The following MAP3K21 variants were observed in gnomAD, a reference collection of about 807,000 sequenced individuals.
MAP3K21 encodes the protein mitogen-activated protein kinase kinase kinase 21, also known as mitogen-activated protein kinase kinase kinase MLK4.
A neutral mutation model predicts 86.1 loss-of-function variants in MAP3K21; 63 were observed. That is an observed-to-expected ratio of 0.73 (90% CI 0.60 to 0.90). The LOEUF (loss-of-function observed/expected upper bound fraction) is 0.90. Ranked by LOEUF, MAP3K21 falls within the 40% of genes least tolerant of loss-of-function variation. The pLI, the probability that MAP3K21 is intolerant of heterozygous loss-of-function variation, is 0.00. For missense variants in MAP3K21, 1,220 were observed against 1,367.7 expected (o/e 0.89, Z 1.70); for synonymous variants, 558 against 564.8 (o/e 0.99, Z 0.17).
chr1:233,375,301 G>C (rs1467206554), intron 6 of MAP3K21, among the ~76,000 whole-genome samples: 1 of 152,122 alleles, frequency 6.6e-6, no homozygotes, highest in Non-Finnish European at 1.5e-5. Context: ...TTAGCAAAAT[G>C]TGGATATTAA....
At chr1:233,339,243 CTT>C (rs1662972959) in intron 1 of MAP3K21, among the ~76,000 whole-genome samples, 4 of 88,562 alleles carry the variant, frequency 4.5e-5, no homozygotes, top group Non-Finnish European at 9.1e-5. Context: ...TCTTCTTCTT[CTT>C]CTTCTTCTTC....
At chr1:233,340,940 T>C (rs1663028356) in intron 1 of MAP3K21, among the ~76,000 whole-genome samples, 1 of 152,214 alleles carries the variant, frequency 6.6e-6, no homozygotes, top group African/African-American at 2.4e-5. Context: ...TACATAATAA[T>C]TGCTTTTTTA....
intron 5 of MAP3K21, 112 bp from the exon 6 acceptor site, chr1:233,371,926 C>T (rs1663692133): frequency 1.2e-5 from 12 of 1,023,688 alleles, no homozygotes; most frequent in African/African-American, 1.6e-5. Context: ...CTGCAATATT[C>T]TTTGCAGTTA....
In MAP3K21 at chr1:233,383,586, A is replaced by T. The variant is rs2102771375; in HGVS notation, c.*875A>T. The T allele has an allele frequency of 6.6e-6, 1 of 152,026 alleles. No individual in the cohort carries two copies. Among genetic ancestry groups the T allele is most frequent in the South Asian group, 2.1e-4 (1 of 4,808 alleles). 9.4% of individuals were successfully genotyped at this position (152,026 alleles called of 1,614,324 possible). On this transcript the variant is annotated 3_prime_UTR_variant, in exon 10 of 10. Transcript: ENST00000366624. ...ATATTCAGAAGTGGAAAGCTTTTTC[A>T]TTCTCCAGTAGAACTTTTAAAAATT...
Position 233,357,714 on chromosome 1 carries a change from A to T in MAP3K21, c.1311+2703A>T, listed in dbSNP as rs551976760. Reference sequence around the variant, plus strand: ...GAGTCCAAGAACAGGAAGAACACACAGCACACAAGGGGGTGGGGACTGCTG... The same window carrying T: ...GAGTCCAAGAACAGGAAGAACACACTGCACACAAGGGGGTGGGGACTGCTG... On this transcript the variant is annotated intron_variant, in intron 4 of 9. Transcript: ENST00000366624. 1.1e-4 allele frequency among the ~76,000 whole-genome samples: 16 copies of T among 152,294 alleles called. No homozygotes were observed. The East Asian group carries it at 2.9e-3, about 28-fold the overall frequency.
At chr1:233,371,730 G>A (rs1014406612) in intron 5 of MAP3K21, among the ~76,000 whole-genome samples, 7 of 147,240 alleles carry the variant, frequency 4.8e-5, no homozygotes, top group East Asian at 2.0e-4. Flanking sequence ...TCAATGATTC[G>A]TGGCTTTCAT....
intron 5 of MAP3K21, among the ~76,000 whole-genome samples, chr1:233,367,357 A>C (rs1239416391): frequency 6.6e-6 from 1 of 152,232 alleles, no homozygotes; most frequent in Non-Finnish European, 1.5e-5. Context: ...TCATATTGCC[A>C]GCAAAAATAC....
In MAP3K21 at chr1:233,339,376, T is replaced by TCC. The variant is rs1390717940; in HGVS notation, c.806-7066_806-7065insCC. Among the ~76,000 whole-genome samples the TCC allele has an allele frequency of 2.3e-3, 212 of 91,404 alleles. 7 individuals are homozygous for TCC. Among genetic ancestry groups the TCC allele is most frequent in the Middle Eastern group, 4.9e-3 (1 of 206 alleles). 60.0% of individuals were successfully genotyped at this position (91,404 alleles called of 152,430 possible). ...CCTCTTCTCCTTCTCCTCCTTCTCCTTCTTCTCCTTCTTCTCCTCCTTCTC... is the reference window on the plus strand; with the variant it reads ...CCTCTTCTCCTTCTCCTCCTTCTCCTCCTCTTCTCCTTCTTCTCCTCCTTCTC... On this transcript the variant is annotated intron_variant, in intron 1 of 9. Transcript: ENST00000366624.
At chr1:233,336,142 T>A (rs1190187595) in intron 1 of MAP3K21, among the ~76,000 whole-genome samples, 1 of 152,262 alleles carries the variant, frequency 6.6e-6, no homozygotes, top group Non-Finnish European at 1.5e-5. Context: ...TTTTGGATAT[T>A]CTGCTTCAGT....
chr1:233,336,535 C>T lies in MAP3K21; in HGVS notation c.805+7702C>T, dbSNP rs891704166. On this transcript the variant is annotated intron_variant, in intron 1 of 9. Coordinates refer to ENST00000366624, the MANE Select transcript of MAP3K21 (RefSeq NM_032435.3). ...CAGCCTGGGTAACAGAGCCAGATGC[C>T]GTCAAATAAATAAATAAATAAATAA... is the stretch of plus-strand genomic sequence containing the variant. Among the ~76,000 whole-genome samples, 14 of 81,574 alleles carry T rather than the reference C, an allele frequency of 1.7e-4. No individual in the cohort carries two copies. In the East Asian group the frequency reaches 1.9e-3, roughly 11 times the overall value. 53.5% of individuals were successfully genotyped at this position (81,574 alleles called of 152,430 possible).
intron 1 of MAP3K21, among the ~76,000 whole-genome samples, chr1:233,345,750 A>AATG (rs1572243200): frequency 6.6e-6 from 1 of 150,502 alleles, no homozygotes; most frequent in South Asian, 2.1e-4. Flanking sequence ...TAATAATAAT[A>AATG]ATAATAATAA....
intron 4 of MAP3K21, among the ~76,000 whole-genome samples, chr1:233,355,380 A>G (rs1043172471): frequency 2.0e-5 from 3 of 152,228 alleles, no homozygotes; most frequent in African/African-American, 7.2e-5. Context: ...AAAGTATGTC[A>G]TAGGCATTCC....
At position 233,382,900 on chromosome 1, in the gene MAP3K21, T is replaced by C; in HGVS notation, c.*189T>C. 1.8e-6 allele frequency: 1 copy of C among 545,870 alleles called. No homozygotes were observed. The highest frequency in any genetic ancestry group is 3.1e-5 in the East Asian group (1 of 32,172). 33.8% of individuals were successfully genotyped at this position (545,870 alleles called of 1,614,324 possible). A position where few individuals can be genotyped will look rare whatever the true frequency, so the allele number is the denominator to read the frequency against. Reference sequence around the variant, plus strand: ...TTAGCCATGTCTATTGTTTTTCCTCTGGATTCTTTTCTTATAACTTGGAAT... The same window carrying C: ...TTAGCCATGTCTATTGTTTTTCCTCCGGATTCTTTTCTTATAACTTGGAAT... On this transcript the variant is annotated 3_prime_UTR_variant, in exon 10 of 10. Coordinates refer to ENST00000366624, the MANE Select transcript of MAP3K21 (RefSeq NM_032435.3).
chr1:233,328,484 G>C lies in MAP3K21; in HGVS notation c.456G>C (p.Ala152=). Residue 152 remains alanine (A), a synonymous_variant, in exon 1 of 10, where the codon GCG becomes GCC. Transcript: ENST00000366624. The surrounding 1 kb of genome is among the most constrained non-coding windows in gnomAD (Gnocchi z 8.7). Reference sequence around the variant, plus strand: ...AGGGCCAGGAGGTGGCCGTGAAGGCGGCGCGCCAGGACCCGGAGCAGGACG... The same window carrying C: ...AGGGCCAGGAGGTGGCCGTGAAGGCCGCGCGCCAGGACCCGGAGCAGGACG... ...TWQGQEVAVK[A]ARQDPEQDAA... is the part of the protein sequence containing the mutation. 6.6e-7 allele frequency: 1 copy of C among 1,509,810 alleles called. No individual in the cohort carries two copies. The highest frequency in any genetic ancestry group is 8.8e-7 in the Non-Finnish European group (1 of 1,139,678). The allele number at this position is 1,509,810 out of a possible 1,614,324, so 93.5% of individuals were successfully genotyped here.
At chr1:233,348,086 T>C (rs559537145) in intron 2 of MAP3K21, among the ~76,000 whole-genome samples, 1 of 152,292 alleles carries the variant, frequency 6.6e-6, no homozygotes, top group East Asian at 1.9e-4. Flanking sequence ...TCCCAGTTGA[T>C]TGTAGAACAT....
chr1:233,334,123 C>T (rs1291893498), intron 1 of MAP3K21, among the ~76,000 whole-genome samples: 1 of 151,312 alleles, frequency 6.6e-6, no homozygotes, highest in Admixed American at 6.6e-5. Flanking sequence ...CCTCGGCCGC[C>T]CAAAGTACTG....
intron 8 of MAP3K21, among the ~76,000 whole-genome samples, chr1:233,377,677 G>T (rs1318760816): frequency 1.3e-5 from 2 of 152,108 alleles, no homozygotes; most frequent in African/African-American, 4.8e-5. Flanking sequence ...GGACCAGTGG[G>T]GTAGGGATGG....
At position 233,362,972 on chromosome 1, in the gene MAP3K21, C is replaced by T. The variant is rs562403227; in HGVS notation, c.1552+679C>T. 6.6e-5 allele frequency among the ~76,000 whole-genome samples: 10 copies of T among 152,132 alleles called. No homozygotes were observed. The South Asian group carries it at 1.7e-3, about 25-fold the overall frequency. On this transcript the variant is annotated intron_variant, in intron 5 of 9. Transcript: ENST00000366624. ...TTATTGACTGATAATCAAAATATAT[C>T]GATCAATATAGCAGACATAGCTTGA...
intron 1 of MAP3K21, among the ~76,000 whole-genome samples, chr1:233,338,889 T>A (rs1662964119): frequency 6.6e-6 from 1 of 152,172 alleles, no homozygotes. Flanking sequence ...GTTGGAAATA[T>A]GAATGTGAGA....
Sources: gnomAD v4.1 joint callset for allele counts (sites outside exome capture counted in the v4.1 genomes callset) on GRCh38, gnomAD v4.1.1 for gene constraint, Gnocchi (gnomAD v3.1) non-coding constraint, MANE v1.5 for transcripts, NCBI Gene and HGNC (gene_info 2026-07-23, HGNC 2026-07-21) for gene names.